The following KDM1A variants were observed in gnomAD, a reference collection of about 807,000 sequenced individuals.
KDM1A encodes the protein lysine demethylase 1A.
KDM1A carries 49 observed loss-of-function variants against 109.4 expected under a neutral mutation model. The ratio of observed to expected loss-of-function variants is 0.45; its 90% CI spans 0.36 to 0.57. The LOEUF (loss-of-function observed/expected upper bound fraction) is 0.57, where lower values mean the gene tolerates loss of function less well. Among genes scored for constraint, KDM1A ranks in the 20% least tolerant of loss-of-function variants. The pLI is 0.00. For synonymous variants in KDM1A, 380 were observed against 415.4 expected (o/e 0.91, Z 1.04); for missense variants, 668 against 1,116.6 (o/e 0.60, Z 5.73).
intron 18 of KDM1A, among the ~76,000 whole-genome samples, chr1:23,080,368 C>T (rs1643582956): frequency 6.6e-6 from 1 of 152,174 alleles, no homozygotes; most frequent in Non-Finnish European, 1.5e-5. Flanking sequence ...GCTGTCAAGT[C>T]CTGTCAGTGC....
chr1:23,075,007 A>G (rs1284448837), intron 15 of KDM1A, among the ~76,000 whole-genome samples: 1 of 152,220 alleles, frequency 6.6e-6, no homozygotes, highest in African/African-American at 2.4e-5. Flanking sequence ...TCAACTTGTC[A>G]ATTTCTACAA....
At chr1:23,075,391 C>G (rs969322389) in intron 15 of KDM1A, among the ~76,000 whole-genome samples, 13 of 151,912 alleles carry the variant, frequency 8.6e-5, no homozygotes, top group African/African-American at 3.1e-4. Flanking sequence ...TCAAGACCAG[C>G]CTGGCCCTGT....
intron 16 of KDM1A, among the ~76,000 whole-genome samples, chr1:23,077,594 T>C (rs1000083766): frequency 3.3e-5 from 5 of 152,214 alleles, no homozygotes; most frequent in East Asian, 1.9e-4. Context: ...CATGAGCTAG[T>C]TGGATATTAC....
intron 1 of KDM1A, among the ~76,000 whole-genome samples, chr1:23,024,160 CT>C (rs138534510): frequency 0.028 from 4,252 of 152,172 alleles, 178 homozygotes; most frequent in African/African-American, 0.096. Flanking sequence ...AGATTTTTTT[CT>C]TTGTAATTCT....
intron 3 of KDM1A, among the ~76,000 whole-genome samples, chr1:23,048,332 T>C (rs1642561968): frequency 6.6e-6 from 1 of 152,214 alleles, no homozygotes. Flanking sequence ...AATTTCACAT[T>C]ACTGAAATAA....
chr1:23,038,978 G>A (rs1468356253), intron 2 of KDM1A, among the ~76,000 whole-genome samples: 1 of 152,134 alleles, frequency 6.6e-6, no homozygotes, highest in Non-Finnish European at 1.5e-5. Context: ...CCAAAGTGCT[G>A]GGATTACAGG....
chr1:23,042,599 C>T (rs1323305352), intron 2 of KDM1A, among the ~76,000 whole-genome samples: 1 of 148,008 alleles, frequency 6.8e-6, no homozygotes, highest in Admixed American at 6.7e-5. Context: ...ACTACAGGCG[C>T]CCGCCACTAC....
At chr1:23,071,162 A>G (rs1557584148) in intron 12 of KDM1A, 63 bp from the exon 13 acceptor site, 1 of 1,420,074 alleles carries the variant, frequency 7.0e-7, no homozygotes, top group Non-Finnish European at 9.6e-7. Context: ...AAAAGGGTAC[A>G]TGTGATGTAG....
intron 2 of KDM1A, among the ~76,000 whole-genome samples, chr1:23,037,878 A>G (rs1188111801): frequency 1.3e-5 from 2 of 152,170 alleles, no homozygotes; most frequent in Non-Finnish European, 2.9e-5. Flanking sequence ...CAAAATAGTA[A>G]TTTGTTTAGC....
chr1:23,033,054 G>A (rs1351278110), intron 2 of KDM1A, among the ~76,000 whole-genome samples: 2 of 152,016 alleles, frequency 1.3e-5, no homozygotes, highest in African/African-American at 2.4e-5. Context: ...GCGTCACCAC[G>A]CCCAGCTAAT....
chr1:23,057,619 A>G, intron 8 of KDM1A, 54 bp downstream of exon 8: 3 of 1,326,572 alleles, frequency 2.3e-6, no homozygotes, highest in Middle Eastern at 1.8e-4. Context: ...CTCATAAAAG[A>G]AATTTAAAGC....
chr1:23,083,161 C>G lies in KDM1A; in HGVS notation c.2446-18C>G. On this transcript the variant is annotated intron_variant, in intron 20 of 20. Coordinates refer to ENST00000400181, the MANE Select transcript of KDM1A (RefSeq NM_001009999.3). ...TATATGTGCAGCCTGCCAATTTTCT[C>G]TTTTTCCCCTAAAATAGCCGATTCC... The G allele has an allele frequency of 6.3e-7, 1 of 1,599,590 alleles. No individual in the cohort carries two copies. Among genetic ancestry groups the G allele is most frequent in the Non-Finnish European group, 8.6e-7 (1 of 1,168,736 alleles).
At chr1:23,047,149 G>A (rs547841025) in intron 3 of KDM1A, among the ~76,000 whole-genome samples, 1 of 152,234 alleles carries the variant, frequency 6.6e-6, no homozygotes, top group African/African-American at 2.4e-5. Context: ...CCTATAAGAA[G>A]GATGTTTTGA....
chr1:23,064,266 G>C (rs868146258), intron 9 of KDM1A, among the ~76,000 whole-genome samples: 6 of 152,282 alleles, frequency 3.9e-5, no homozygotes, highest in Middle Eastern at 3.4e-3. Context: ...CATTTCCCTT[G>C]GCTGTTGAGG....
chr1:23,020,024 C>G, intron 1 of KDM1A, 77 bp downstream of exon 1: 4 of 1,376,706 alleles, frequency 2.9e-6, no homozygotes, highest in East Asian at 3.1e-5. Flanking sequence ...TCCCCCGCCG[C>G]CGCCGGGTCT....
At position 23,019,636 on chromosome 1, in the gene KDM1A, G is replaced by A; in HGVS notation, c.40G>A (p.Ala14Thr). 7.1e-7 allele frequency: 1 copy of A among 1,415,886 alleles called. No homozygotes were observed. Among genetic ancestry groups the A allele is most frequent in the Non-Finnish European group, 9.2e-7 (1 of 1,092,528 alleles). 87.7% of individuals were successfully genotyped at this position (1,415,886 alleles called of 1,614,324 possible). A position where few individuals can be genotyped will look rare whatever the true frequency, so the allele number is the denominator to read the frequency against. ...GKKAAAAAAA[A>T]AAAATGTEAG... ...GAAGGCGGCAGCCGCGGCGGCGGCG[G>A]CTGCAGCGGCAGCAACCGGGACGGA... is the stretch of plus-strand genomic sequence containing the variant. Residue 14 changes from alanine to threonine, a missense_variant, in exon 1 of 21, where the codon GCT becomes ACT. This residue lies in a region of KDM1A where 156 missense variants were observed against 163.4 expected (regional missense o/e 0.95). Coordinates refer to ENST00000400181, the MANE Select transcript of KDM1A (RefSeq NM_001009999.3).
chr1:23,037,138 A>ACACC (rs1557518386), intron 2 of KDM1A, among the ~76,000 whole-genome samples: 1 of 151,236 alleles, frequency 6.6e-6, no homozygotes, highest in East Asian at 1.9e-4. Flanking sequence ...ATACACACAC[A>ACACC]CACACACACA....
intron 2 of KDM1A, among the ~76,000 whole-genome samples, chr1:23,044,103 A>G (rs1642433791): frequency 6.6e-6 from 1 of 152,186 alleles, no homozygotes. Flanking sequence ...CCGTTAGTAA[A>G]AGACACTCGG....
chr1:23,072,009 TC>T, intron 13 of KDM1A, 114 bp from the exon 14 acceptor site: 1 of 683,552 alleles, frequency 1.5e-6, no homozygotes. Context: ...GAGCCACACT[TC>T]CTGTACATGA....
Sources: gnomAD v4.1 joint callset for allele counts (sites outside exome capture counted in the v4.1 genomes callset) on GRCh38, gnomAD v4.1.1 for gene constraint, gnomAD v4.1.1 regional missense constraint, MANE v1.5 for transcripts, NCBI Gene and HGNC (gene_info 2026-07-23, HGNC 2026-07-21) for gene names.